Variants in MSRA observed in about 807,000 individuals in gnomAD.
The protein encoded by MSRA is methionine sulfoxide reductase A.
A neutral mutation model predicts 31.3 loss-of-function variants in MSRA; 54 were observed. The observed-to-expected ratio is 1.73, with a 90% CI of 1.39 to 2.17. MSRA has a LOEUF of 2.17. Among genes scored for constraint, MSRA ranks in the 30% most tolerant of loss-of-function variants. The pLI is 0.00. For missense variants in MSRA, 507 were observed against 300.9 expected, an observed-to-expected ratio of 1.69 and a Z score of -5.07; for synonymous variants, 169 against 116.5, an observed-to-expected ratio of 1.45 and a Z score of -2.90.
At chr8:10,311,313 C>A (rs1801418348) in intron 4 of MSRA, among the ~76,000 whole-genome samples, 1 of 152,134 alleles carries the variant, frequency 6.6e-6, no homozygotes, top group Non-Finnish European at 1.5e-5. Context: ...ACACAGGAAC[C>A]CAGACAGGTA....
intron 1 of MSRA, among the ~76,000 whole-genome samples, chr8:10,115,907 C>T (rs57525498): frequency 2.6e-5 from 4 of 152,162 alleles, no homozygotes; most frequent in Non-Finnish European, 5.9e-5. Flanking sequence ...AAACAAGATA[C>T]TAATTTTTGA....
chr8:10,360,093 C>T (rs1453680289), intron 5 of MSRA, among the ~76,000 whole-genome samples: 1 of 152,226 alleles, frequency 6.6e-6, no homozygotes, highest in African/African-American at 2.4e-5. Flanking sequence ...CCAGCCTCTT[C>T]ACCCAGGCCT....
chr8:10,145,981 G>A (rs1020996599), intron 1 of MSRA, among the ~76,000 whole-genome samples: 17 of 152,160 alleles, frequency 1.1e-4, no homozygotes, highest in Non-Finnish European at 2.4e-4. Context: ...CTGTAACAGT[G>A]GAGAAAATTT....
intron 5 of MSRA, among the ~76,000 whole-genome samples, chr8:10,354,343 C>T (rs1804378287): frequency 6.6e-6 from 1 of 152,196 alleles, no homozygotes; most frequent in South Asian, 2.1e-4. Flanking sequence ...GGGTAGCACA[C>T]ACCCTGAACA....
In MSRA at chr8:10,378,603, G is replaced by A. The variant is rs558562693; in HGVS notation, c.544-49545G>A. Reference sequence around the variant, plus strand: ...CCCGGCCAGGAGAGAGCCTCACCACGTGGGCTCCTAACATCCCCCTCAGCA... The same window carrying A: ...CCCGGCCAGGAGAGAGCCTCACCACATGGGCTCCTAACATCCCCCTCAGCA... On this transcript the variant is annotated intron_variant, in intron 5 of 5. Transcript: ENST00000317173. Among the ~76,000 whole-genome samples, 34 of 152,272 alleles carry A rather than the reference G, an allele frequency of 2.2e-4. No homozygotes were observed. In the South Asian group the frequency reaches 4.1e-3, roughly 19 times the overall value.
intron 1 of MSRA, among the ~76,000 whole-genome samples, chr8:10,106,902 CT>C (rs1042318681): frequency 1.3e-5 from 2 of 151,904 alleles, no homozygotes; most frequent in Admixed American, 1.3e-4. Context: ...GCCTACCCCT[CT>C]ACCCACCTAC....
rs559830979 is a variant in MSRA at position 10,369,484 on chromosome 8, TACTG to T, written c.543+49500_543+49503del. ...TCTACAGAGACTGATTTTAGTAAGTTACTGACTGTCACACCCAGTGAAGACTTTG... is the reference window on the plus strand; with the variant it reads ...TCTACAGAGACTGATTTTAGTAAGTTACTGTCACACCCAGTGAAGACTTTG... On this transcript the variant is annotated intron_variant, in intron 5 of 5. Transcript: ENST00000317173. Among the ~76,000 whole-genome samples, 6 of 152,358 alleles carry T rather than the reference TACTG, an allele frequency of 3.9e-5. No homozygotes were observed. The South Asian group carries it at 1.2e-3, about 32-fold the overall frequency.
At chr8:10,160,456 C>T (rs1563166013) in intron 1 of MSRA, among the ~76,000 whole-genome samples, 1 of 151,582 alleles carries the variant, frequency 6.6e-6, no homozygotes, top group Non-Finnish European at 1.5e-5. Flanking sequence ...GATGGTGCCA[C>T]CGCACTCTAG....
At chr8:10,120,737 C>G (rs1056092967) in intron 1 of MSRA, among the ~76,000 whole-genome samples, 14 of 152,174 alleles carry the variant, frequency 9.2e-5, no homozygotes, top group Admixed American at 9.2e-4. Flanking sequence ...AAGCTCTTAA[C>G]TGACCTGCCC....
intron 3 of MSRA, among the ~76,000 whole-genome samples, chr8:10,295,750 C>A (rs753283743): frequency 6.6e-6 from 1 of 152,180 alleles, no homozygotes; most frequent in African/African-American, 2.4e-5. Flanking sequence ...GGATCTGCAG[C>A]CCAGGCAGCA....
chr8:10,269,843 G>C (rs1391081864), intron 3 of MSRA, among the ~76,000 whole-genome samples: 1 of 152,102 alleles, frequency 6.6e-6, no homozygotes, highest in Non-Finnish European at 1.5e-5. Context: ...AGTAGAGACG[G>C]GGTTTCACCG....
In MSRA at chr8:10,207,888, G is replaced by C; in HGVS notation, c.198G>C (p.Gln66His). ...RTVEPFPEGT[Q>H]MAVFGMGCFW... ...TCGAACCTTTCCCAGAGGGAACACA[G>C]ATGGCTGTATTTGGTAAGATATCAA... The change falls in exon 2 of 6, where the codon CAG becomes CAC. Residue 66 changes from glutamine (Q) to histidine (H), a missense_variant. By Grantham distance (24) the Gln-to-His change is conservative. Coordinates refer to ENST00000317173, the MANE Select transcript of MSRA (RefSeq NM_012331.5). The C allele has an allele frequency of 6.2e-7, 1 of 1,611,354 alleles. No homozygotes were observed. The highest frequency in any genetic ancestry group is 8.5e-7 in the Non-Finnish European group (1 of 1,178,624).
chr8:10,238,862 G>A (rs1474775031), intron 2 of MSRA, among the ~76,000 whole-genome samples: 4 of 151,726 alleles, frequency 2.6e-5, no homozygotes, highest in Non-Finnish European at 4.4e-5. Context: ...TCTTATACAA[G>A]GTACAGAAAA....
At chr8:10,425,661 C>T (rs576881193) in intron 5 of MSRA, among the ~76,000 whole-genome samples, 79 of 152,354 alleles carry the variant, frequency 5.2e-4, no homozygotes, top group Middle Eastern at 3.4e-3. Flanking sequence ...TACGCAGGCA[C>T]AGGCAGCTCA....
At chr8:10,397,341 G>T (rs1348716543) in intron 5 of MSRA, among the ~76,000 whole-genome samples, 1 of 152,228 alleles carries the variant, frequency 6.6e-6, no homozygotes, top group African/African-American at 2.4e-5. Flanking sequence ...CTCAGGAAAT[G>T]TTGCTTGGGT....
chr8:10,422,278 CCTGTCT>C lies in MSRA; in HGVS notation c.544-5868_544-5863del, dbSNP rs1393487258. Among the ~76,000 whole-genome samples, 3 of 152,208 alleles carry C rather than the reference CCTGTCT, an allele frequency of 2.0e-5. No individual in the cohort carries two copies. The East Asian group carries it at 5.8e-4, about 29-fold the overall frequency. On this transcript the variant is annotated intron_variant, in intron 5 of 5. Coordinates refer to ENST00000317173, the MANE Select transcript of MSRA (RefSeq NM_012331.5). The stretch of plus-strand genomic sequence containing the variant: ...TCCAGCCTGGGTGGCAGAGCAAGAC[CCTGTCT>C]CAGCAACAGAAAAGCCAGGCAGGGC...
intron 1 of MSRA, among the ~76,000 whole-genome samples, chr8:10,124,568 G>C (rs1456157564): frequency 1.3e-5 from 2 of 152,140 alleles, no homozygotes; most frequent in Non-Finnish European, 2.9e-5. Flanking sequence ...ATTCTACTTT[G>C]ATATTAAATA....
chr8:10,176,477 A>G (rs1424161608), intron 1 of MSRA, among the ~76,000 whole-genome samples: 3 of 152,222 alleles, frequency 2.0e-5, no homozygotes, highest in African/African-American at 7.2e-5. Context: ...CCATGGATTC[A>G]GTGAATGCAT....
chr8:10,240,916 G>T (rs1456233731), intron 2 of MSRA, among the ~76,000 whole-genome samples: 4 of 152,006 alleles, frequency 2.6e-5, no homozygotes, highest in South Asian at 2.1e-4. Flanking sequence ...TAGGTGCGAA[G>T]TGAGGGAGGG....
Sources: gnomAD v4.1 joint callset for allele counts (sites outside exome capture counted in the v4.1 genomes callset) on GRCh38, gnomAD v4.1.1 for gene constraint, MANE v1.5 for transcripts, NCBI Gene and HGNC (gene_info 2026-07-23, HGNC 2026-07-21) for gene names.